DPY19L3: variants seen among roughly 807,000 people sequenced by gnomAD.
DPY19L3 encodes dpy-19 like C-mannosyltransferase 3.
In DPY19L3, 51 loss-of-function variants were observed where a neutral mutation model predicts 92.3. The observed-to-expected ratio is 0.55, with a 90% CI of 0.44 to 0.70. The LOEUF (loss-of-function observed/expected upper bound fraction) is 0.70, where lower values mean the gene tolerates loss of function less well. Ranked by LOEUF, DPY19L3 falls within the 30% of genes least tolerant of loss-of-function variation. The pLI, the probability that DPY19L3 is intolerant of heterozygous loss-of-function variation, is 0.00. For missense variants in DPY19L3, 706 were observed against 855.9 expected (o/e 0.82, Z 2.18); for synonymous variants, 309 against 315.2 (o/e 0.98, Z 0.21).
chr19:32,429,852 T>G (rs1199941872), intron 3 of DPY19L3, among the ~76,000 whole-genome samples: 1 of 152,240 alleles, frequency 6.6e-6, no homozygotes, highest in African/African-American at 2.4e-5. Context: ...TCATAGCCTC[T>G]GTGGTTATTT....
At chr19:32,480,594 G>A in intron 18 of DPY19L3, 37 bp downstream of exon 18, 1 of 1,590,600 alleles carries the variant, frequency 6.3e-7, no homozygotes. Flanking sequence ...GGGGTCTCCT[G>A]GAGGGGCGGG....
intron 16 of DPY19L3, among the ~76,000 whole-genome samples, chr19:32,473,903 A>G (rs1055327976): frequency 3.3e-5 from 5 of 152,198 alleles, no homozygotes; most frequent in Non-Finnish European, 5.9e-5. Context: ...TCGTGGGTTC[A>G]AGCGATTCTC....
intron 7 of DPY19L3, 74 bp downstream of exon 7, chr19:32,439,309 T>G (rs1969250281): frequency 6.7e-7 from 1 of 1,488,894 alleles, no homozygotes; most frequent in South Asian, 1.2e-5. Context: ...TGTGATGTGC[T>G]TAGTATCCCA....
rs757649001 is a variant in DPY19L3, at chr19:32,439,878, C to T, written c.823C>T (p.Leu275=). ...GATGCAAGCATTAGTGCTGTTCACACTGGACTCCCTGGACATGCTGCCAGC... is the reference window on the plus strand; with the variant it reads ...GATGCAAGCATTAGTGCTGTTCACATTGGACTCCCTGGACATGCTGCCAGC... ...MLMQALVLFT[L]DSLDMLPAVK... is the part of the protein sequence containing the mutation. Residue 275 remains leucine (L), a synonymous_variant, in exon 8 of 19, where the codon CTG becomes TTG. Coordinates refer to ENST00000392250, the MANE Select transcript of DPY19L3 (RefSeq NM_001172774.2). 41 of 1,613,690 alleles carry T rather than the reference C, an allele frequency of 2.5e-5. No homozygotes were observed. The highest frequency in any genetic ancestry group is 3.4e-5 in the Non-Finnish European group (40 of 1,179,820).
intron 4 of DPY19L3, among the ~76,000 whole-genome samples, chr19:32,433,819 C>T (rs925248278): frequency 3.9e-5 from 6 of 152,164 alleles, no homozygotes; most frequent in Non-Finnish European, 7.4e-5. Context: ...GAGTTGGTCC[C>T]TGTGATGATA....
chr19:32,407,262 G>GCT (rs1967994372), intron 1 of DPY19L3, among the ~76,000 whole-genome samples: 1 of 39,604 alleles, frequency 2.5e-5, no homozygotes, highest in African/African-American at 1.3e-4. Flanking sequence ...CCAGGCTCCT[G>GCT]CTCCCCCCCA....
intron 6 of DPY19L3, among the ~76,000 whole-genome samples, chr19:32,437,779 T>G (rs915176127): frequency 2.6e-5 from 3 of 113,882 alleles, no homozygotes; most frequent in South Asian, 2.4e-4. Flanking sequence ...GTTTTTTGGG[T>G]TTTTTTCTTG....
At chr19:32,409,338 T>TA (rs1211150306) in intron 2 of DPY19L3, among the ~76,000 whole-genome samples, 9 of 152,224 alleles carry the variant, frequency 5.9e-5, no homozygotes, top group African/African-American at 2.2e-4. Context: ...ATTTTTCTCT[T>TA]ATTATGTTAT....
intron 4 of DPY19L3, among the ~76,000 whole-genome samples, chr19:32,435,709 G>A (rs1369418613): frequency 6.6e-6 from 1 of 152,218 alleles, no homozygotes; most frequent in Non-Finnish European, 1.5e-5. Context: ...TAGGAGCAAG[G>A]TTGAGGATCT....
At chr19:32,468,436 AT>A (rs1970259694) in intron 15 of DPY19L3, 1 of 1,061,194 alleles carries the variant, frequency 9.4e-7, no homozygotes, top group African/African-American at 1.7e-5. Flanking sequence ...GCCAGGTATT[AT>A]CATCACATAC....
chr19:32,480,627 T>C, intron 18 of DPY19L3, 70 bp downstream of exon 18: 1 of 1,507,926 alleles, frequency 6.6e-7, no homozygotes, highest in East Asian at 2.3e-5. Flanking sequence ...ATCCTAAGAA[T>C]GTGAATCTTT....
At chr19:32,449,729 G>A (rs1969635137) in intron 8 of DPY19L3, among the ~76,000 whole-genome samples, 1 of 152,186 alleles carries the variant, frequency 6.6e-6, no homozygotes, top group South Asian at 2.1e-4. Flanking sequence ...GCAAAAGAAT[G>A]AAGTTGAGCC....
At chr19:32,417,582 G>T (rs1481904262) in intron 3 of DPY19L3, among the ~76,000 whole-genome samples, 1 of 152,156 alleles carries the variant, frequency 6.6e-6, no homozygotes, top group African/African-American at 2.4e-5. Flanking sequence ...GCCTCCCAAA[G>T]TGCTGGAATT....
At chr19:32,463,766 G>T in intron 13 of DPY19L3, 103 bp from the exon 14 acceptor site, 1 of 1,039,336 alleles carries the variant, frequency 9.6e-7, no homozygotes, top group Non-Finnish European at 1.5e-6. Flanking sequence ...TTTTAAGTAA[G>T]ATTTTGCCGT....
chr19:32,424,354 A>T (rs917792224), intron 3 of DPY19L3, among the ~76,000 whole-genome samples: 1 of 151,118 alleles, frequency 6.6e-6, no homozygotes, highest in Non-Finnish European at 1.5e-5. Flanking sequence ...AAAAAAATGG[A>T]TGGGAGTATC....
rs1052480407 is a variant in DPY19L3, at chr19:32,413,707, C to A, written c.237+2335C>A. 1.7e-4 allele frequency among the ~76,000 whole-genome samples: 25 copies of A among 150,004 alleles called. No individual in the cohort carries two copies. The Admixed American group carries it at 1.7e-3, about 10-fold the overall frequency. On this transcript the variant is annotated intron_variant, in intron 3 of 18. Transcript: ENST00000392250. The stretch of plus-strand genomic sequence containing the variant: ...TTCTTCTTGTCAGAAGAATTTTACT[C>A]GTTTATATATCTTTTTTTGGGAGGA...
intron 8 of DPY19L3, among the ~76,000 whole-genome samples, chr19:32,443,242 C>T (rs1969379297): frequency 1.3e-5 from 2 of 152,212 alleles, no homozygotes; most frequent in African/African-American, 2.4e-5. Context: ...CTTCTGCTGA[C>T]CCCCAGATGT....
chr19:32,479,685 G>A (rs868341538), intron 17 of DPY19L3: 1 of 372,010 alleles, frequency 2.7e-6, no homozygotes, highest in South Asian at 2.0e-5. Context: ...ACCTCACACA[G>A]CCTGTTTCCA....
chr19:32,441,011 T>C (rs977240712), intron 8 of DPY19L3, among the ~76,000 whole-genome samples: 2 of 152,176 alleles, frequency 1.3e-5, no homozygotes, highest in African/African-American at 4.8e-5. Context: ...ATGAAATGTT[T>C]AGTGTTTCTG....
Sources: gnomAD v4.1 joint callset for allele counts (sites outside exome capture counted in the v4.1 genomes callset) on GRCh38, gnomAD v4.1.1 for gene constraint, MANE v1.5 for transcripts, NCBI Gene and HGNC (gene_info 2026-07-23, HGNC 2026-07-21) for gene names.